The following LINC00632 variants were observed in gnomAD, a reference collection of about 807,000 sequenced individuals.
LINC00632 encodes the protein ALDOA related specific transcript.
chrX:140,742,839 TAGAGAGAGAGAG>T (rs3084215), intron 3 of LINC00632, among the ~76,000 whole-genome samples: 20 of 46,907 alleles, frequency 4.3e-4, no homozygotes, highest in South Asian at 1.6e-3. Flanking sequence ...TAGAAGGTGA[TAGAGAGAGAGAG>T]AGAGAGAGAG....
chrX:140,739,546 A>AT (rs747100521), intron 3 of LINC00632, among the ~76,000 whole-genome samples: 1 of 111,608 alleles, frequency 9.0e-6, no homozygotes, highest in African/African-American at 3.3e-5. Flanking sequence ...TTATGTAATT[A>AT]TTTTTATGTA....
intron 3 of LINC00632, among the ~76,000 whole-genome samples, chrX:140,746,011 A>G (rs984954268): frequency 1.6e-4 from 18 of 112,154 alleles, no homozygotes; most frequent in African/African-American, 5.8e-4. Context: ...ATAGAGGAAA[A>G]GAGAACTTGG....
At chrX:140,756,149 T>C (rs1931489998) in intron 3 of LINC00632, among the ~76,000 whole-genome samples, 1 of 112,112 alleles carries the variant, frequency 8.9e-6, no homozygotes, top group African/African-American at 3.2e-5. Flanking sequence ...AGACATTACA[T>C]GGAGCCATGG....
intron 3 of LINC00632, among the ~76,000 whole-genome samples, chrX:140,770,174 C>G (rs955981545): frequency 9.0e-6 from 1 of 111,081 alleles, no homozygotes; most frequent in African/African-American, 3.3e-5. Context: ...TAAAATAAGG[C>G]TGAGACCTAC....
intron 3 of LINC00632, among the ~76,000 whole-genome samples, chrX:140,740,458 A>C (rs1023286953): frequency 9.0e-6 from 1 of 111,226 alleles, no homozygotes; most frequent in Non-Finnish European, 1.9e-5. Flanking sequence ...CATAAAATCG[A>C]GATTTGTCAA....
At position 140,726,276 on chromosome X, in the gene LINC00632, C is replaced by T. The variant is rs772380861; in HGVS notation, n.105-7602C>T. Among the ~76,000 whole-genome samples, 4 of 111,406 alleles carry T rather than the reference C, an allele frequency of 3.6e-5. No individual in the cohort carries two copies. In the East Asian group the frequency reaches 1.1e-3, roughly 31 times the overall value. On this transcript the variant is annotated intron_variant and non_coding_transcript_variant, in intron 2 of 4. Transcript: ENST00000648200. ...TTACATGTCCATGCCCCACAACGCACGCACATGCCTTCCAACACATGGACA... is the reference window on the plus strand; with the variant it reads ...TTACATGTCCATGCCCCACAACGCATGCACATGCCTTCCAACACATGGACA...
chrX:140,712,590 GGT>G (rs1253736983), intron 2 of LINC00632, among the ~76,000 whole-genome samples: 1 of 109,846 alleles, frequency 9.1e-6, no homozygotes, highest in African/African-American at 3.3e-5. Context: ...AAGGAGCTAG[GGT>G]GAGTCCTAAC....
At chrX:140,779,918 T>C (rs2148404254) in exon 5 of LINC00632, among the ~76,000 whole-genome samples, 1 of 111,024 alleles carries the variant, frequency 9.0e-6, no homozygotes, top group Non-Finnish European at 1.9e-5. Context: ...TCTTTTTGGG[T>C]GAGTGGTGCT....
At chrX:140,777,194 G>A (rs1312888211) in exon 5 of LINC00632, among the ~76,000 whole-genome samples, 1 of 111,211 alleles carries the variant, frequency 9.0e-6, no homozygotes, top group African/African-American at 3.3e-5. Flanking sequence ...AATGCATACG[G>A]GGCTTAAAAC....
chrX:140,768,828 T>A lies in LINC00632; in HGVS notation n.192-3250T>A, dbSNP rs1403862145. ...GTATAAGTATATATATTTGTATATA[T>A]TATATATATATTTGTACTAATATAC... On this transcript the variant is annotated intron_variant and non_coding_transcript_variant, in intron 3 of 4. Coordinates refer to ENST00000648200, the Ensembl canonical transcript of LINC00632. Among the ~76,000 whole-genome samples, 12 of 102,213 alleles carry A rather than the reference T, an allele frequency of 1.2e-4. No individual in the cohort carries two copies. In the East Asian group the frequency reaches 3.5e-3, roughly 30 times the overall value. The allele number at this position is 102,213 out of a possible 115,157, so 88.8% of individuals were successfully genotyped here.
intron 3 of LINC00632, among the ~76,000 whole-genome samples, chrX:140,753,992 T>C (rs1379954101): frequency 9.0e-6 from 1 of 111,272 alleles, no homozygotes; most frequent in Non-Finnish European, 1.9e-5. Context: ...GCCAAGATGG[T>C]CTCGATCTCT....
At chrX:140,776,688 C>T (rs974510663) in exon 5 of LINC00632, among the ~76,000 whole-genome samples, 3 of 111,621 alleles carry the variant, frequency 2.7e-5, no homozygotes, top group Non-Finnish European at 5.7e-5. Flanking sequence ...TTTACACTGT[C>T]GGTGGGAGTG....
chrX:140,755,747 C>T (rs1386141521), intron 3 of LINC00632, among the ~76,000 whole-genome samples: 3 of 111,256 alleles, frequency 2.7e-5, no homozygotes, highest in African/African-American at 9.8e-5. Context: ...AATACTTAGA[C>T]TCAGCCTATC....
intron 3 of LINC00632, among the ~76,000 whole-genome samples, chrX:140,758,523 G>A (rs1030166873): frequency 3.7e-5 from 4 of 108,601 alleles, no homozygotes; most frequent in Non-Finnish European, 5.7e-5. Context: ...ACAGGTGCCC[G>A]TCACCATGCC....
chrX:140,709,968 G>A (rs1930481843), intron 1 of LINC00632, among the ~76,000 whole-genome samples: 1 of 112,173 alleles, frequency 8.9e-6, no homozygotes, highest in Non-Finnish European at 1.9e-5. Flanking sequence ...ATATTCCCTG[G>A]TCATTTTTCT....
chrX:140,776,471 C>G (rs1174550690), exon 5 of LINC00632, among the ~76,000 whole-genome samples: 4 of 112,977 alleles, frequency 3.5e-5, no homozygotes, highest in African/African-American at 1.3e-4. Flanking sequence ...GCCGTTGGAC[C>G]CGCGCGTCCG....
At chrX:140,744,455 G>C (rs1226606528) in intron 3 of LINC00632, among the ~76,000 whole-genome samples, 1 of 109,049 alleles carries the variant, frequency 9.2e-6, no homozygotes, top group Non-Finnish European at 1.9e-5. Flanking sequence ...AGCTGGTAGT[G>C]GGAAACATTC....
At chrX:140,717,755 G>T (rs753734220) in intron 2 of LINC00632, among the ~76,000 whole-genome samples, 16 of 111,619 alleles carry the variant, frequency 1.4e-4, no homozygotes, top group African/African-American at 5.2e-4. Flanking sequence ...CCTCGGAAAG[G>T]TTTCTTGAAC....
chrX:140,736,436 C>CTTTTTTTT (rs748293491), intron 3 of LINC00632, among the ~76,000 whole-genome samples: 2 of 50,063 alleles, frequency 4.0e-5, no homozygotes, highest in African/African-American at 5.7e-5. Flanking sequence ...TCTTCTTCTT[C>CTTTTTTTT]TTTTTTTTTT....
Sources: allele counts gnomAD v4.1 joint callset (sites outside exome capture counted in the v4.1 genomes callset), GRCh38; gene constraint gnomAD v4.1.1; transcripts MANE v1.5; gene names NCBI Gene and HGNC (gene_info 2026-07-23, HGNC 2026-07-21).